The following ELP4 variants were observed in gnomAD, a reference collection of about 807,000 sequenced individuals.
The protein encoded by ELP4 is elongator acetyltransferase complex subunit 4, also known as elongator complex protein 4.
In ELP4, 51 loss-of-function variants were observed where a neutral mutation model predicts 48.9. The observed-to-expected ratio is 1.04, with a 90% CI of 0.83 to 1.32. The LOEUF (loss-of-function observed/expected upper bound fraction) is 1.32, where lower values mean the gene tolerates loss of function less well. Ranked by LOEUF, ELP4 falls within the 40% of genes most tolerant of loss-of-function variation. The probability of loss-of-function intolerance (pLI) is 0.00; values close to 1 mark genes in which losing one functional copy is unlikely to be tolerated. For missense variants in ELP4, 519 were observed against 514.6 expected (o/e 1.01, Z -0.08); for synonymous variants, 210 against 189.2 (o/e 1.11, Z -0.90).
intron 9 of ELP4, among the ~76,000 whole-genome samples, chr11:31,778,963 G>A (rs1236817481): frequency 2.0e-5 from 3 of 151,934 alleles, no homozygotes; most frequent in Non-Finnish European, 4.4e-5. Context: ...CTCCCACTTC[G>A]GCCTCCCAGA....
chr11:31,553,580 T>C (rs1287661443), intron 3 of ELP4, among the ~76,000 whole-genome samples: 1 of 152,108 alleles, frequency 6.6e-6, no homozygotes, highest in Non-Finnish European at 1.5e-5. Context: ...TTCTCCTGGT[T>C]CTCAGACCAA....
chr11:31,539,907 T>C (rs1375023598), intron 3 of ELP4, 124 bp downstream of exon 3: 1 of 705,672 alleles, frequency 1.4e-6, no homozygotes, highest in Admixed American at 4.2e-5. Flanking sequence ...AACGGAACCA[T>C]ACATTTTTTA....
chr11:31,689,559 G>A (rs1273607804), intron 9 of ELP4: 1 of 152,072 alleles, frequency 6.6e-6, no homozygotes, highest in Non-Finnish European at 1.5e-5. Flanking sequence ...GCATTTGTCT[G>A]AATGGAGGGT....
chr11:31,701,447 A>AT (rs987893860), intron 9 of ELP4, among the ~76,000 whole-genome samples: 11 of 151,920 alleles, frequency 7.2e-5, no homozygotes, highest in Non-Finnish European at 1.5e-4. Flanking sequence ...TTAAAATAAG[A>AT]TTTTTTATTA....
rs143376232 is a variant in ELP4, at chr11:31,542,122, C to T, written c.381+2339C>T. 1.6e-4 allele frequency among the ~76,000 whole-genome samples: 24 copies of T among 152,190 alleles called. No homozygotes were observed. The East Asian group carries it at 4.4e-3, about 28-fold the overall frequency. On this transcript the variant is annotated intron_variant, in intron 3 of 9. Coordinates refer to ENST00000640961, the MANE Select transcript of ELP4 (RefSeq NM_019040.5). ...ACAGGGTATAGGAAACAACAGTTTT[C>T]GAAACACTTGGCATCAGATAATAAA...
At chr11:31,744,587 A>G (rs1947535550) in intron 9 of ELP4, among the ~76,000 whole-genome samples, 1 of 152,250 alleles carries the variant, frequency 6.6e-6, no homozygotes, top group Non-Finnish European at 1.5e-5. Flanking sequence ...GGTTCAACAT[A>G]CGCAAATCAA....
chr11:31,527,519 A>G (rs1956316435), intron 2 of ELP4, among the ~76,000 whole-genome samples: 1 of 152,050 alleles, frequency 6.6e-6, no homozygotes, highest in South Asian at 2.1e-4. Flanking sequence ...GGATTATTGA[A>G]TCTAACAGGT....
chr11:31,751,128 C>T (rs1435520288), intron 9 of ELP4, among the ~76,000 whole-genome samples: 1 of 152,020 alleles, frequency 6.6e-6, no homozygotes, highest in African/African-American at 2.4e-5. Context: ...CATTCTAAAC[C>T]TTCTCTCAAC....
chr11:31,655,431 G>A (rs1385323517), intron 9 of ELP4, among the ~76,000 whole-genome samples: 1 of 151,788 alleles, frequency 6.6e-6, no homozygotes. Context: ...GTAGCAAAAG[G>A]TATAATCCGC....
intron 3 of ELP4, among the ~76,000 whole-genome samples, chr11:31,550,246 CT>C (rs1178638229): frequency 1.3e-5 from 2 of 151,704 alleles, no homozygotes; most frequent in African/African-American, 2.4e-5. Flanking sequence ...GTATAAAATA[CT>C]TTTTTTCTCA....
chr11:31,705,791 A>G (rs1946617820), intron 9 of ELP4, among the ~76,000 whole-genome samples: 1 of 152,194 alleles, frequency 6.6e-6, no homozygotes, highest in Admixed American at 6.5e-5. Context: ...TTGACATTCT[A>G]CATGGTAAAT....
intron 9 of ELP4, among the ~76,000 whole-genome samples, chr11:31,726,036 A>G (rs997577876): frequency 6.6e-6 from 1 of 152,254 alleles, no homozygotes; most frequent in African/African-American, 2.4e-5. Flanking sequence ...AGGGTGGTAT[A>G]TCAGATAGAC....
chr11:31,666,234 C>T (rs968783675), intron 9 of ELP4, among the ~76,000 whole-genome samples: 6 of 151,890 alleles, frequency 4.0e-5, no homozygotes, highest in African/African-American at 1.4e-4. Flanking sequence ...GCCTTAAACT[C>T]CTGACCTCAG....
At chr11:31,661,454 G>A (rs80234344) in intron 9 of ELP4, among the ~76,000 whole-genome samples, 1,587 of 151,996 alleles carry the variant, frequency 0.01, 34 homozygotes, top group African/African-American at 0.036. Flanking sequence ...TTTAGTACAC[G>A]GAAAACATCA....
intron 1 of ELP4, among the ~76,000 whole-genome samples, chr11:31,514,025 T>A (rs1592072252): frequency 6.6e-6 from 1 of 152,340 alleles, no homozygotes; most frequent in Non-Finnish European, 1.5e-5. Context: ...AATAATTGTG[T>A]CATAATTATT....
At chr11:31,710,659 A>C (rs1005312707) in intron 9 of ELP4, among the ~76,000 whole-genome samples, 1 of 152,048 alleles carries the variant, frequency 6.6e-6, no homozygotes, top group Non-Finnish European at 1.5e-5. Context: ...TAACTAAAAC[A>C]CAATAAGTAG....
rs567251191 is a variant in ELP4, at chr11:31,570,246, C to T, written c.382-24524C>T. ...GAAGCCATTATCCTAAGCAAACTAA[C>T]GCAGAAACAGAAAACCAAATACCAT... On this transcript the variant is annotated intron_variant, in intron 3 of 9. Transcript: ENST00000640961. Among the ~76,000 whole-genome samples the T allele has an allele frequency of 1.0e-3, 158 of 152,032 alleles. 2 individuals carry two copies. Among genetic ancestry groups the T allele is most frequent in the Non-Finnish European group, 1.8e-3 (121 of 68,014 alleles).
At chr11:31,764,301 G>GA (rs2134258974) in intron 9 of ELP4, among the ~76,000 whole-genome samples, 1 of 152,294 alleles carries the variant, frequency 6.6e-6, no homozygotes, top group African/African-American at 2.4e-5. Flanking sequence ...GACAACCTTT[G>GA]AAAGTCTCTG....
chr11:31,783,540 C>A lies in ELP4; in HGVS notation c.*16C>A. ...GGACTTCTAGGGATTCCTCCTTAGTCGCTGCATGCAGAATTCTATGACACT... is the reference window on the plus strand; with the variant it reads ...GGACTTCTAGGGATTCCTCCTTAGTAGCTGCATGCAGAATTCTATGACACT... On this transcript the variant is annotated 3_prime_UTR_variant, in exon 10 of 10. Transcript: ENST00000640961. 1 of 1,611,014 alleles carries A rather than the reference C, an allele frequency of 6.2e-7. No homozygotes were observed. Among genetic ancestry groups the A allele is most frequent in the South Asian group, 1.1e-5 (1 of 90,820 alleles).
Sources: allele counts gnomAD v4.1 joint callset (sites outside exome capture counted in the v4.1 genomes callset), GRCh38; gene constraint gnomAD v4.1.1; transcripts MANE v1.5; gene names NCBI Gene and HGNC (gene_info 2026-07-23, HGNC 2026-07-21).